SENP6: variants seen among roughly 807,000 people sequenced by gnomAD.
SENP6 encodes the protein SUMO specific peptidase 6, also known as sentrin-specific protease 6.
SENP6 carries 41 observed loss-of-function variants against 134.5 expected under a neutral mutation model. The observed-to-expected ratio is 0.30, with a 90% CI of 0.24 to 0.40. The LOEUF is 0.40. Among genes scored for constraint, SENP6 ranks in the 10% least tolerant of loss-of-function variants. The pLI, the probability that SENP6 is intolerant of heterozygous loss-of-function variation, is 1.00. For missense variants in SENP6, 1,248 were observed against 1,312.5 expected (o/e 0.95, Z 0.76); for synonymous variants, 395 against 429.8 (o/e 0.92, Z 1.00).
chr6:75,605,996 A>G (rs1345857552), intron 1 of SENP6, among the ~76,000 whole-genome samples: 1 of 152,194 alleles, frequency 6.6e-6, no homozygotes, highest in Non-Finnish European at 1.5e-5. Flanking sequence ...GATGAACTGT[A>G]CATTGAGTGT....
intron 16 of SENP6, among the ~76,000 whole-genome samples, chr6:75,685,416 C>A (rs914720621): frequency 6.6e-6 from 1 of 151,896 alleles, no homozygotes; most frequent in East Asian, 1.9e-4. Flanking sequence ...TATTTCTTGC[C>A]TTCTGCTAGC....
intron 19 of SENP6, among the ~76,000 whole-genome samples, chr6:75,703,535 C>T (rs1775186438): frequency 6.6e-6 from 1 of 151,994 alleles, no homozygotes; most frequent in South Asian, 2.1e-4. Flanking sequence ...CCAAGATGGG[C>T]AGATCACTTG....
At chr6:75,661,061 T>G (rs1771737466) in intron 8 of SENP6, among the ~76,000 whole-genome samples, 1 of 152,206 alleles carries the variant, frequency 6.6e-6, no homozygotes, top group South Asian at 2.1e-4. Context: ...TTCATTCACA[T>G]GGGTATTATT....
At chr6:75,704,184 T>G (rs1246237946) in intron 19 of SENP6, among the ~76,000 whole-genome samples, 1 of 152,042 alleles carries the variant, frequency 6.6e-6, no homozygotes, top group African/African-American at 2.4e-5. Context: ...GAAAGAACAG[T>G]GGGCCCAGGA....
chr6:75,700,377 G>C (rs774040434), intron 18 of SENP6, among the ~76,000 whole-genome samples: 1 of 152,166 alleles, frequency 6.6e-6, no homozygotes, highest in Non-Finnish European at 1.5e-5. Context: ...TTTTAGGTGA[G>C]GATATTTGTA....
chr6:75,648,684 T>G (rs1373123174), intron 7 of SENP6, among the ~76,000 whole-genome samples: 1 of 152,246 alleles, frequency 6.6e-6, no homozygotes, highest in African/African-American at 2.4e-5. Context: ...ACTAAGTTTA[T>G]TAAGTTTAGT....
chr6:75,690,705 T>TG (rs1020075879), intron 16 of SENP6, among the ~76,000 whole-genome samples: 1 of 150,150 alleles, frequency 6.7e-6, no homozygotes, highest in Non-Finnish European at 1.5e-5. Flanking sequence ...TTTTGTTTTT[T>TG]TTTTTGAGAT....
intron 11 of SENP6, among the ~76,000 whole-genome samples, chr6:75,671,538 A>G (rs144145485): frequency 6.6e-6 from 1 of 152,296 alleles, no homozygotes; most frequent in East Asian, 1.9e-4. Flanking sequence ...CCTGGCTAAT[A>G]TGCTAAAACC....
intron 13 of SENP6, among the ~76,000 whole-genome samples, chr6:75,676,400 G>A (rs1773088022): frequency 6.6e-6 from 1 of 152,050 alleles, no homozygotes; most frequent in South Asian, 2.1e-4. Flanking sequence ...ATATAAATCT[G>A]GAAATCTTGA....
Position 75,675,919 on chromosome 6 carries a change from T to G in SENP6, c.1486T>G (p.Trp496Gly). The G allele has an allele frequency of 6.2e-7, 1 of 1,611,786 alleles. No individual in the cohort carries two copies. The highest frequency in any genetic ancestry group is 8.5e-7 in the Non-Finnish European group (1 of 1,179,078). ...TACCTCTGATCTAACTAAATGTGAA[T>G]GGTGTAATGTCCGAAAATTACCTGT... ...LNTSDLTKCE[W>G]CNVRKLPVVF... The change falls in exon 13 of 24, where the codon TGG becomes GGG. Residue 496 changes from tryptophan (W) to glycine (G), a missense_variant. Physicochemically the swap from Trp to Gly is radical, Grantham distance 184 (BLOSUM62 -2). This residue lies in a region of SENP6 where 733 missense variants were observed against 725.4 expected (regional missense o/e 1.01). Coordinates refer to ENST00000447266, the MANE Select transcript of SENP6 (RefSeq NM_015571.4).
chr6:75,670,086 C>G (rs1196420215), intron 10 of SENP6, among the ~76,000 whole-genome samples: 1 of 152,114 alleles, frequency 6.6e-6, no homozygotes, highest in African/African-American at 2.4e-5. Flanking sequence ...GCCGGGATTA[C>G]AGGCACCTGC....
At chr6:75,701,664 G>A (rs1775042443) in intron 18 of SENP6, among the ~76,000 whole-genome samples, 2 of 125,858 alleles carry the variant, frequency 1.6e-5, no homozygotes, top group Admixed American at 1.8e-4. Flanking sequence ...TTTGGAGACG[G>A]AGTCTCGCTC....
chr6:75,699,173 G>T (rs1774853578), intron 18 of SENP6, among the ~76,000 whole-genome samples: 1 of 151,984 alleles, frequency 6.6e-6, no homozygotes, highest in African/African-American at 2.4e-5. Flanking sequence ...AATATTATTT[G>T]ATTATACACG....
intron 11 of SENP6, among the ~76,000 whole-genome samples, chr6:75,671,369 A>G (rs1772661180): frequency 6.6e-6 from 1 of 152,080 alleles, no homozygotes; most frequent in Non-Finnish European, 1.5e-5. Context: ...TGATGTCCCT[A>G]TTTGTTTCCA....
intron 19 of SENP6, among the ~76,000 whole-genome samples, chr6:75,707,899 G>A (rs920166422): frequency 6.6e-6 from 1 of 151,922 alleles, no homozygotes; most frequent in Non-Finnish European, 1.5e-5. Context: ...ATGTTGCCCA[G>A]GTGATCCTTC....
intron 19 of SENP6, among the ~76,000 whole-genome samples, chr6:75,704,037 C>T (rs1740202619): frequency 6.6e-6 from 1 of 152,060 alleles, no homozygotes; most frequent in African/African-American, 2.4e-5. Flanking sequence ...TAACCCAAGG[C>T]AGAAATTAAA....
Position 75,620,453 on chromosome 6 carries a change from C to T in SENP6, c.53-1079C>T, listed in dbSNP as rs543346211. 2.0e-5 allele frequency among the ~76,000 whole-genome samples: 3 copies of T among 152,282 alleles called. No homozygotes were observed. In the South Asian group the frequency reaches 6.2e-4, roughly 32 times the overall value. On this transcript the variant is annotated intron_variant, in intron 1 of 23. Transcript: ENST00000447266. ...CCCACTTTTTCACAAATGGTGCCTT[C>T]TGGCTGTCTCCTCACAGAATGGAAG...
intron 19 of SENP6, 80 bp from the exon 20 acceptor site, chr6:75,709,447 A>G (rs1164041534): frequency 1.2e-6 from 1 of 863,548 alleles, no homozygotes; most frequent in South Asian, 1.6e-5. Context: ...TTAATTAACT[A>G]CTAGCATTAA....
At chr6:75,657,623 T>C (rs1261635972) in intron 7 of SENP6, among the ~76,000 whole-genome samples, 2 of 152,220 alleles carry the variant, frequency 1.3e-5, no homozygotes, top group African/African-American at 4.8e-5. Context: ...CAGGAAACAT[T>C]TATTAAGCCC....
Sources: gnomAD v4.1 joint callset for allele counts (sites outside exome capture counted in the v4.1 genomes callset) on GRCh38, gnomAD v4.1.1 for gene constraint, gnomAD v4.1.1 regional missense constraint, MANE v1.5 for transcripts, NCBI Gene and HGNC (gene_info 2026-07-23, HGNC 2026-07-21) for gene names.